PDE1B: variants seen among roughly 807,000 people sequenced by gnomAD.
PDE1B encodes the protein phosphodiesterase 1B.
PDE1B carries 13 observed loss-of-function variants against 66.7 expected under a neutral mutation model. That is an observed-to-expected ratio of 0.19 (90% confidence interval 0.13 to 0.31). The LOEUF (loss-of-function observed/expected upper bound fraction) is 0.31. PDE1B is among the 10% of genes least tolerant of loss of function. PDE1B has a pLI of 1.00. For missense variants in PDE1B, 485 were observed against 682.3 expected (o/e 0.71, Z 3.22); for synonymous variants, 230 against 253.9 (o/e 0.91, Z 0.90).
At chr12:54,550,193 AG>A (rs1957255942) in intron 2 of PDE1B, 1 of 1,406,140 alleles carries the variant, frequency 7.1e-7, no homozygotes, top group South Asian at 1.6e-5. Context: ...GAGCGGGCTT[AG>A]GAGTTGCAAA....
Position 54,573,586 on chromosome 12 carries a change from TTC to T in PDE1B, c.963-18_963-17del, listed in dbSNP as rs772560610. On this transcript the variant is annotated intron_variant, in intron 9 of 15. Transcript: ENST00000243052. This position sits in a 1 kb window ranked among gnomAD's most constrained non-coding sequence, Gnocchi z 5.2. ...CAGCAGCGCTGAGGGGACTGATTGC[TTC>T]TCTTTTTATGTCCGCTCAGAGAACT... is the stretch of plus-strand genomic sequence containing the variant. 1.9e-6 allele frequency: 3 copies of T among 1,612,802 alleles called. No homozygotes were observed. The highest frequency in any genetic ancestry group is 2.5e-6 in the Non-Finnish European group (3 of 1,178,748).
At chr12:54,563,036 C>G (rs1957447043) in intron 2 of PDE1B, among the ~76,000 whole-genome samples, 2 of 152,186 alleles carry the variant, frequency 1.3e-5, no homozygotes, top group South Asian at 4.1e-4. Context: ...GCTCAGAAAT[C>G]TCCATTGTGA....
At chr12:54,556,524 G>A (rs78175509) in intron 2 of PDE1B, among the ~76,000 whole-genome samples, 5,211 of 152,202 alleles carry the variant, frequency 0.034, 82 homozygotes, top group African/African-American at 0.042. Flanking sequence ...GGAGCTTATC[G>A]CTGTCTGAGA....
chr12:54,558,584 G>A (rs969427680), intron 2 of PDE1B, among the ~76,000 whole-genome samples: 1 of 152,168 alleles, frequency 6.6e-6, no homozygotes, highest in Non-Finnish European at 1.5e-5. Flanking sequence ...GTGGAGAGCT[G>A]GTTGTTCTTG....
intron 10 of PDE1B, 180 bp from the exon 11 acceptor site, chr12:54,574,918 T>A: frequency 2.1e-6 from 1 of 469,932 alleles, no homozygotes; most frequent in Non-Finnish European, 3.8e-6. Flanking sequence ...GAGGTTGCAG[T>A]GAGCTGAGAT....
In PDE1B at chr12:54,569,707, CT is replaced by C. The variant is rs71070829; in HGVS notation, c.477+107del. On this transcript the variant is annotated intron_variant, in intron 5 of 15. Coordinates refer to ENST00000243052, the MANE Select transcript of PDE1B (RefSeq NM_000924.4). The surrounding 1 kb of genome is among the most constrained non-coding windows in gnomAD (Gnocchi z 4.4). ...TGTTTATGGCATTATTTTTGCCTTC[CT>C]TTTTTTTTTTTGAAATGGAGTCTCG... 19,614 of 639,162 alleles carry C rather than the reference CT, an allele frequency of 0.031. No homozygotes were observed. The highest frequency in any genetic ancestry group is 0.032 in the Non-Finnish European group (11,857 of 367,650). The allele number at this position is 639,162 out of a possible 1,614,324, so 39.6% of individuals were successfully genotyped here.
chr12:54,553,560 A>C (rs918096265), intron 2 of PDE1B, among the ~76,000 whole-genome samples: 1 of 152,200 alleles, frequency 6.6e-6, no homozygotes, highest in Non-Finnish European at 1.5e-5. Context: ...CATAACAGGC[A>C]CTCAATAAAT....
Position 54,575,424 on chromosome 12 carries a change from A to G in PDE1B, c.1186-127A>G. On this transcript the variant is annotated intron_variant, in intron 11 of 15. Coordinates refer to ENST00000243052, the MANE Select transcript of PDE1B (RefSeq NM_000924.4). The surrounding 1 kb of genome is among the most constrained non-coding windows in gnomAD (Gnocchi z 4.0). The stretch of plus-strand genomic sequence containing the variant: ...CATATATTTCATTTGCATATTACTA[A>G]TTTCCAGGTCAACAGTGCAGAAATT... 3 of 785,308 alleles carry G rather than the reference A, an allele frequency of 3.8e-6. No individual in the cohort carries two copies. In the South Asian group the frequency reaches 4.5e-5, roughly 12 times the overall value. 48.6% of individuals were successfully genotyped at this position (785,308 alleles called of 1,614,324 possible).
chr12:54,549,887 C>T lies in PDE1B; in HGVS notation c.15C>T (p.Pro5=), dbSNP rs756175845. The change falls in exon 2 of 16, where the codon CCC becomes CCT. Residue 5 remains proline, a synonymous_variant. Transcript: ENST00000243052. MELS[P]RSPPEMLEES... ...CGTGGCTGAGCATGGAGCTGTCCCC[C>T]CGCAGTCCTCCGGAGATGCTGGAGG... is the stretch of plus-strand genomic sequence containing the variant. The T allele has an allele frequency of 3.1e-6, 5 of 1,613,704 alleles. No individual in the cohort carries two copies. The highest frequency in any genetic ancestry group is 1.3e-5 in the African/African-American group (1 of 74,928).
At chr12:54,574,993 A>AAAAT in intron 10 of PDE1B, 105 bp from the exon 11 acceptor site, 1 of 871,058 alleles carries the variant, frequency 1.1e-6, no homozygotes, top group East Asian at 2.8e-5. Flanking sequence ...AAAAAAAAAA[A>AAAAT]GGAAGAAGTT....
intron 2 of PDE1B, among the ~76,000 whole-genome samples, chr12:54,556,030 C>A (rs1957338216): frequency 6.6e-6 from 1 of 152,168 alleles, no homozygotes; most frequent in South Asian, 2.1e-4. Flanking sequence ...CGACTCCTGT[C>A]TTCTGCAAGG....
Position 54,575,706 on chromosome 12 carries a change from A to G in PDE1B, c.1267+74A>G, listed in dbSNP as rs1209300987. On this transcript the variant is annotated intron_variant, in intron 12 of 15. Coordinates refer to ENST00000243052, the MANE Select transcript of PDE1B (RefSeq NM_000924.4). This position sits in a 1 kb window ranked among gnomAD's most constrained non-coding sequence, Gnocchi z 4.0. ...TGCTGCCTGGGTCAGGATTGCTCCA[A>G]GTCCTCAATCCCCCCAAACCATTCT... The G allele has an allele frequency of 1.2e-5, 13 of 1,069,200 alleles. No homozygotes were observed. The highest frequency in any genetic ancestry group is 1.7e-5 in the Admixed American group (1 of 59,208). The allele number at this position is 1,069,200 out of a possible 1,614,324, so 66.2% of individuals were successfully genotyped here.
At position 54,549,887 on chromosome 12, in the gene PDE1B, C is replaced by G. The variant is rs756175845; in HGVS notation, c.15C>G (p.Pro5=). 29 of 1,613,822 alleles carry G rather than the reference C, an allele frequency of 1.8e-5. No homozygotes were observed. The highest frequency in any genetic ancestry group is 1.7e-4 in the Middle Eastern group (1 of 6,060). The part of the protein sequence containing the change: MELS[P]RSPPEMLEES... Reference sequence around the variant, plus strand: ...CGTGGCTGAGCATGGAGCTGTCCCCCCGCAGTCCTCCGGAGATGCTGGAGG... The same window carrying G: ...CGTGGCTGAGCATGGAGCTGTCCCCGCGCAGTCCTCCGGAGATGCTGGAGG... The change falls in exon 2 of 16, where the codon CCC becomes CCG. Residue 5 remains proline, a synonymous_variant. Coordinates refer to ENST00000243052, the MANE Select transcript of PDE1B (RefSeq NM_000924.4).
At position 54,569,377 on chromosome 12, in the gene PDE1B, C is replaced by A. The variant is rs1248313062; in HGVS notation, c.410+11C>A. The stretch of plus-strand genomic sequence containing the variant: ...GATCTTCGTGGAACGGTGAGGCTCG[C>A]CCACACTCAGCCTCCCTCTGCCTTT... On this transcript the variant is annotated intron_variant, in intron 4 of 15. Transcript: ENST00000243052. This position sits in a 1 kb window ranked among gnomAD's most constrained non-coding sequence, Gnocchi z 4.4. 6.9e-6 allele frequency: 11 copies of A among 1,597,062 alleles called. No homozygotes were observed. Among genetic ancestry groups the A allele is most frequent in the African/African-American group, 4.0e-5 (3 of 74,692 alleles).
At chr12:54,552,857 C>T (rs1361536874) in intron 2 of PDE1B, among the ~76,000 whole-genome samples, 2 of 152,182 alleles carry the variant, frequency 1.3e-5, no homozygotes, top group Non-Finnish European at 2.9e-5. Context: ...ACTTGGCTGT[C>T]CACCCTTCTC....
At chr12:54,561,720 G>A (rs1957417156) in intron 2 of PDE1B, 2 of 1,021,064 alleles carry the variant, frequency 2.0e-6, no homozygotes, top group East Asian at 2.7e-5. Flanking sequence ...GTTTAGTGAA[G>A]TGGAGAGATC....
intron 3 of PDE1B, among the ~76,000 whole-genome samples, chr12:54,568,467 T>TACACACAC (rs56360853): frequency 0.036 from 5,123 of 143,346 alleles, 144 homozygotes; most frequent in African/African-American, 0.06. Flanking sequence ...TGTCTAAAAA[T>TACACACAC]ACACACACAC....
chr12:54,551,652 G>T (rs1957279350), intron 2 of PDE1B, among the ~76,000 whole-genome samples: 1 of 152,184 alleles, frequency 6.6e-6, no homozygotes, highest in African/African-American at 2.4e-5. Flanking sequence ...ACAGGGCCCT[G>T]CGAAAGAGTG....
intron 2 of PDE1B, among the ~76,000 whole-genome samples, chr12:54,551,167 AG>A (rs1422969608): frequency 1.3e-5 from 2 of 152,210 alleles, no homozygotes; most frequent in Non-Finnish European, 2.9e-5. Flanking sequence ...AGATGGGGGT[AG>A]GGGATGGATA....
Sources: gnomAD v4.1 joint callset for allele counts (sites outside exome capture counted in the v4.1 genomes callset) on GRCh38, gnomAD v4.1.1 for gene constraint, Gnocchi (gnomAD v3.1) non-coding constraint, MANE v1.5 for transcripts, NCBI Gene and HGNC (gene_info 2026-07-23, HGNC 2026-07-21) for gene names.